PLPPR4: variants seen among roughly 807,000 people sequenced by gnomAD.
PLPPR4 encodes phospholipid phosphatase related 4.
A neutral mutation model predicts 56.6 loss-of-function variants in PLPPR4; 24 were observed. The ratio of observed to expected loss-of-function variants is 0.42; its 90% CI spans 0.31 to 0.60. PLPPR4 has a LOEUF of 0.60. Ranked by LOEUF, PLPPR4 falls within the 20% of genes least tolerant of loss-of-function variation. The pLI is 0.13. For synonymous variants in PLPPR4, 326 were observed against 328.1 expected, an observed-to-expected ratio of 0.99 and a Z score of 0.07; for missense variants, 654 against 885.8, an observed-to-expected ratio of 0.74 and a Z score of 3.32.
intron 1 of PLPPR4, among the ~76,000 whole-genome samples, chr1:99,273,833 A>G (rs1012642531): frequency 3.3e-5 from 5 of 152,138 alleles, no homozygotes; most frequent in Non-Finnish European, 7.4e-5. Flanking sequence ...ACTGTCTTTT[A>G]TCAGCTGGTG....
At chr1:99,266,616 A>G (rs1658906843) in intron 1 of PLPPR4, among the ~76,000 whole-genome samples, 1 of 152,256 alleles carries the variant, frequency 6.6e-6, no homozygotes, top group African/African-American at 2.4e-5. Flanking sequence ...GATACCCTCT[A>G]TGAATTCCTT....
Position 99,271,876 on chromosome 1 carries a change from T to C in PLPPR4, c.78+7205T>C, listed in dbSNP as rs575253671. Among the ~76,000 whole-genome samples the C allele has an allele frequency of 6.1e-5, 9 of 147,244 alleles. No homozygotes were observed. The South Asian group carries it at 1.9e-3, about 32-fold the overall frequency. On this transcript the variant is annotated intron_variant, in intron 1 of 6. Coordinates refer to ENST00000370185, the MANE Select transcript of PLPPR4 (RefSeq NM_014839.5). ...CAAGCAGGATTAGAAGAAAAAGCAT[T>C]AGAAAATTGAAGGTAGGAGTGAAGT... is the stretch of plus-strand genomic sequence containing the variant.
Position 99,309,065 on chromosome 1 carries a change from A to G in PLPPR4, c.*2055A>G, listed in dbSNP as rs1660121394. On this transcript the variant is annotated 3_prime_UTR_variant, in exon 7 of 7. Transcript: ENST00000370185. ...TTTTTCTTTACATAAATATTGATAT[A>G]TTCTTTTTCTACTCAAAGTGCCAAA... The G allele has an allele frequency of 6.6e-6, 1 of 152,598 alleles. No homozygotes were observed. The allele number at this position is 152,598 out of a possible 1,614,324, so 9.5% of individuals were successfully genotyped here.
At chr1:99,286,729 T>A (rs1177878674) in intron 1 of PLPPR4, among the ~76,000 whole-genome samples, 2 of 152,050 alleles carry the variant, frequency 1.3e-5, no homozygotes, top group Admixed American at 1.3e-4. Flanking sequence ...AGGAAAAGAA[T>A]GAAAACCAAT....
intron 4 of PLPPR4, among the ~76,000 whole-genome samples, chr1:99,299,487 A>T (rs1659826810): frequency 6.6e-6 from 1 of 151,968 alleles, no homozygotes; most frequent in Non-Finnish European, 1.5e-5. Context: ...ATGTTTTGTG[A>T]TCAATCCTAT....
chr1:99,286,206 A>C (rs1448731167), intron 1 of PLPPR4, among the ~76,000 whole-genome samples: 1 of 152,200 alleles, frequency 6.6e-6, no homozygotes, highest in Non-Finnish European at 1.5e-5. Context: ...TACACTAAAA[A>C]TTATTCATTG....
At chr1:99,295,618 A>G (rs1055280311) in intron 2 of PLPPR4, among the ~76,000 whole-genome samples, 23 of 152,332 alleles carry the variant, frequency 1.5e-4, no homozygotes, top group African/African-American at 5.3e-4. Flanking sequence ...ACAATCTTTT[A>G]GGCACAATTA....
intron 1 of PLPPR4, among the ~76,000 whole-genome samples, chr1:99,275,261 T>A (rs1659155713): frequency 6.6e-6 from 1 of 152,144 alleles, no homozygotes; most frequent in East Asian, 1.9e-4. Context: ...ACTCTTCTCC[T>A]TTAAGACCTC....
At chr1:99,301,217 T>C (rs956953706) in intron 5 of PLPPR4, among the ~76,000 whole-genome samples, 9 of 151,970 alleles carry the variant, frequency 5.9e-5, no homozygotes, top group African/African-American at 1.4e-4. Flanking sequence ...AATATTATAC[T>C]TCATAGGAGG....
intron 1 of PLPPR4, among the ~76,000 whole-genome samples, chr1:99,281,178 AC>A (rs1196329656): frequency 6.6e-6 from 1 of 152,190 alleles, no homozygotes; most frequent in Non-Finnish European, 1.5e-5. Flanking sequence ...TTCACTGATA[AC>A]AAATGAAGCC....
intron 1 of PLPPR4, among the ~76,000 whole-genome samples, chr1:99,273,638 C>T (rs1659111738): frequency 6.6e-6 from 1 of 152,034 alleles, no homozygotes; most frequent in African/African-American, 2.4e-5. Context: ...CTGTTTTGTA[C>T]TCTTACAACA....
intron 1 of PLPPR4, among the ~76,000 whole-genome samples, chr1:99,283,249 G>T (rs1158495521): frequency 6.6e-6 from 1 of 152,026 alleles, no homozygotes; most frequent in African/African-American, 2.4e-5. Flanking sequence ...AATTCACAAT[G>T]GCTATGAGAG....
chr1:99,306,712 A>T lies in PLPPR4; in HGVS notation c.1850A>T (p.Asp617Val). The change falls in exon 7 of 7, where the codon GAT (aspartate) becomes GTT (valine). Residue 617 changes from aspartate to valine, a missense_variant. Physicochemically the swap from Asp to Val is radical, Grantham distance 152. This residue lies in a region of PLPPR4 where 468 missense variants were observed against 554.3 expected (regional missense o/e 0.84). Coordinates refer to ENST00000370185, the MANE Select transcript of PLPPR4 (RefSeq NM_014839.5). This position sits in a 1 kb window ranked among gnomAD's most constrained non-coding sequence, Gnocchi z 4.0. The stretch of plus-strand genomic sequence containing the variant: ...CTTCGCCAAACTTACGAGCTCAACG[A>T]TCTCAACAGGGACTCAGAAAGCTGT... ...GSLRQTYELN[D>V]LNRDSESCES... 6.2e-7 allele frequency: 1 copy of T among 1,614,092 alleles called. No homozygotes were observed. Among genetic ancestry groups the T allele is most frequent in the Non-Finnish European group, 8.5e-7 (1 of 1,180,002 alleles).
At position 99,308,579 on chromosome 1, in the gene PLPPR4, A is replaced by T. The variant is rs1660106820; in HGVS notation, c.*1569A>T. On this transcript the variant is annotated 3_prime_UTR_variant, in exon 7 of 7. Coordinates refer to ENST00000370185, the MANE Select transcript of PLPPR4 (RefSeq NM_014839.5). ...TGCCAAGGGGATGAAAGGAAACAAC[A>T]GAGATGGTTGATCTGATCTTAGCTC... 6.6e-6 allele frequency: 1 copy of T among 152,650 alleles called. No individual in the cohort carries two copies. Among genetic ancestry groups the T allele is most frequent in the Non-Finnish European group, 1.5e-5 (1 of 68,040 alleles). The allele number at this position is 152,650 out of a possible 1,614,324, so 9.5% of individuals were successfully genotyped here.
At chr1:99,301,702 A>G in intron 5 of PLPPR4, 22 bp from the exon 6 acceptor site, 2 of 1,577,566 alleles carry the variant, frequency 1.3e-6, no homozygotes, top group South Asian at 1.1e-5. Flanking sequence ...AACATACTTA[A>G]CCCATTTCTT....
chr1:99,307,470 TTATTATAGTACATA>T lies in PLPPR4; in HGVS notation c.*463_*476del, dbSNP rs1368496667. ...TACAGCTCAATACGGGTGGTGCTGA[TTATTATAGTACATA>T]TACCATGTAAACTCTCAAACTCTAT... On this transcript the variant is annotated 3_prime_UTR_variant, in exon 7 of 7. Transcript: ENST00000370185. 6.0e-6 allele frequency: 1 copy of T among 166,630 alleles called. No homozygotes were observed. Among genetic ancestry groups the T allele is most frequent in the Non-Finnish European group, 1.3e-5 (1 of 75,398 alleles). 10.3% of individuals were successfully genotyped at this position (166,630 alleles called of 1,614,324 possible).
At chr1:99,279,597 G>A (rs186496194) in intron 1 of PLPPR4, among the ~76,000 whole-genome samples, 8 of 152,202 alleles carry the variant, frequency 5.3e-5, no homozygotes, top group African/African-American at 1.2e-4. Context: ...GCCATCTCTC[G>A]CCTTGTGTCC....
chr1:99,277,805 C>CA (rs562007527), intron 1 of PLPPR4, among the ~76,000 whole-genome samples: 50 of 151,920 alleles, frequency 3.3e-4, no homozygotes, highest in Admixed American at 2.7e-3. Context: ...TATTTTGGTG[C>CA]AAAAAATTGA....
chr1:99,271,773 G>A (rs555467740), intron 1 of PLPPR4, among the ~76,000 whole-genome samples: 1 of 152,152 alleles, frequency 6.6e-6, no homozygotes, highest in African/African-American at 2.4e-5. Flanking sequence ...GAGTTTAGGA[G>A]AGTAGAATAT....
Sources: allele counts gnomAD v4.1 joint callset (sites outside exome capture counted in the v4.1 genomes callset), GRCh38; gene constraint gnomAD v4.1.1; regional missense constraint gnomAD v4.1.1; non-coding constraint Gnocchi (gnomAD v3.1); transcripts MANE v1.5; gene names NCBI Gene and HGNC (gene_info 2026-07-23, HGNC 2026-07-21).